The following CALN1 variants were observed in gnomAD, a reference collection of about 807,000 sequenced individuals.
CALN1 encodes calcium-binding protein 8.
Under a neutral mutation model 30.6 loss-of-function variants are expected in CALN1, and 17 were observed. The ratio of observed to expected loss-of-function variants is 0.56; its 90% CI spans 0.38 to 0.83. The LOEUF is 0.83. CALN1 is among the 40% of genes least tolerant of loss of function. The probability of loss-of-function intolerance (pLI) is 0.00; values close to 1 mark genes in which losing one functional copy is unlikely to be tolerated. For missense variants in CALN1, 291 were observed against 354.9 expected (o/e 0.82, Z 1.45); for synonymous variants, 156 against 131.4 (o/e 1.19, Z -1.28).
intron 2 of CALN1, among the ~76,000 whole-genome samples, chr7:72,337,985 C>G (rs1429687814): frequency 6.6e-6 from 1 of 152,218 alleles, no homozygotes; most frequent in Non-Finnish European, 1.5e-5. Context: ...AAGGGCAACG[C>G]ATGTGCTTGG....
chr7:72,006,265 T>A (rs1433744579), intron 5 of CALN1, among the ~76,000 whole-genome samples: 3 of 152,196 alleles, frequency 2.0e-5, no homozygotes, highest in Admixed American at 6.5e-5. Flanking sequence ...TTCAGACAAA[T>A]ATAATTTTAA....
At chr7:71,911,493 C>T (rs1318234026) in intron 5 of CALN1, among the ~76,000 whole-genome samples, 3 of 152,108 alleles carry the variant, frequency 2.0e-5, no homozygotes, top group South Asian at 4.2e-4. Flanking sequence ...GCTTAGTACT[C>T]GAGAGGCAGA....
At chr7:72,425,182 C>T (rs1807758359) in intron 1 of CALN1, among the ~76,000 whole-genome samples, 1 of 152,076 alleles carries the variant, frequency 6.6e-6, no homozygotes, top group Non-Finnish European at 1.5e-5. Flanking sequence ...GGCACAATCT[C>T]GGCTCACTGC....
At chr7:72,440,327 C>A (rs1808309131) in intron 1 of CALN1, among the ~76,000 whole-genome samples, 1 of 152,126 alleles carries the variant, frequency 6.6e-6, no homozygotes, top group African/African-American at 2.4e-5. Flanking sequence ...TTTAAGAAAT[C>A]CCCATTTTCT....
intron 5 of CALN1, among the ~76,000 whole-genome samples, chr7:71,874,334 G>GA (rs1172608481): frequency 2.9e-5 from 4 of 136,688 alleles, no homozygotes; most frequent in African/African-American, 1.1e-4. Context: ...CTTAGGAACA[G>GA]AAAGATTCAT....
chr7:72,261,902 G>A (rs372502426), intron 3 of CALN1, among the ~76,000 whole-genome samples: 1 of 152,150 alleles, frequency 6.6e-6, no homozygotes, highest in East Asian at 1.9e-4. Flanking sequence ...TAGGGAAACC[G>A]CAAGAGGAGT....
chr7:72,275,539 A>G (rs1797280333), intron 3 of CALN1, among the ~76,000 whole-genome samples: 1 of 152,158 alleles, frequency 6.6e-6, no homozygotes, highest in South Asian at 2.1e-4. Flanking sequence ...CTAAATAAAT[A>G]AGTAGAACGA....
At chr7:72,328,790 G>A (rs1801459897) in intron 2 of CALN1, among the ~76,000 whole-genome samples, 4 of 152,206 alleles carry the variant, frequency 2.6e-5, no homozygotes, top group Admixed American at 2.0e-4. Flanking sequence ...CCGCCTCCTG[G>A]GTTCAAGCAA....
chr7:72,019,201 T>C (rs1328081622), intron 5 of CALN1, among the ~76,000 whole-genome samples: 3 of 152,090 alleles, frequency 2.0e-5, no homozygotes, highest in Non-Finnish European at 2.9e-5. Flanking sequence ...ATAGGATTGC[T>C]TCTCAGTGAT....
At chr7:72,257,491 G>T (rs1051325934) in intron 3 of CALN1, among the ~76,000 whole-genome samples, 1 of 152,132 alleles carries the variant, frequency 6.6e-6, no homozygotes, top group African/African-American at 2.4e-5. Context: ...GGTGAAAAGG[G>T]AACACTTCCA....
chr7:72,385,911 C>G (rs1229604288), intron 2 of CALN1, among the ~76,000 whole-genome samples: 2 of 152,182 alleles, frequency 1.3e-5, no homozygotes, highest in African/African-American at 4.8e-5. Flanking sequence ...TTATACATTA[C>G]CCAGTCTTGG....
chr7:72,047,985 A>G (rs1584822936), intron 4 of CALN1, among the ~76,000 whole-genome samples: 1 of 151,974 alleles, frequency 6.6e-6, no homozygotes, highest in East Asian at 1.9e-4. Flanking sequence ...CATCTAACAC[A>G]GTGTGGGCAC....
intron 3 of CALN1, among the ~76,000 whole-genome samples, chr7:72,131,095 G>A (rs1177327901): frequency 6.6e-6 from 1 of 152,178 alleles, no homozygotes; most frequent in Non-Finnish European, 1.5e-5. Context: ...AGTGAGATCT[G>A]TTTCTGCCCT....
intron 3 of CALN1, among the ~76,000 whole-genome samples, chr7:72,208,092 TA>T (rs1415637126): frequency 1.3e-5 from 2 of 152,200 alleles, no homozygotes; most frequent in African/African-American, 2.4e-5. Flanking sequence ...ATTCACATTT[TA>T]AATTGAGAAA....
At chr7:72,135,700 A>G (rs914026289) in intron 3 of CALN1, among the ~76,000 whole-genome samples, 5 of 152,216 alleles carry the variant, frequency 3.3e-5, no homozygotes, top group Non-Finnish European at 7.3e-5. Flanking sequence ...GGGATGGTAA[A>G]TGAACACTGG....
intron 2 of CALN1, among the ~76,000 whole-genome samples, chr7:72,311,253 A>G (rs914217045): frequency 2.6e-5 from 4 of 152,174 alleles, no homozygotes; most frequent in African/African-American, 4.8e-5. Flanking sequence ...TCTTTTACTA[A>G]TAACATTTTA....
At chr7:72,281,424 T>C (rs1278272586) in intron 2 of CALN1, among the ~76,000 whole-genome samples, 2 of 152,218 alleles carry the variant, frequency 1.3e-5, no homozygotes, top group African/African-American at 4.8e-5. Context: ...ACTTCTTATG[T>C]GATTTCAACT....
At chr7:72,073,563 G>T (rs1490373608) in intron 4 of CALN1, among the ~76,000 whole-genome samples, 1 of 152,018 alleles carries the variant, frequency 6.6e-6, no homozygotes, top group East Asian at 1.9e-4. Context: ...AAAGGGGAGG[G>T]GAATAATAAA....
At chr7:72,200,505 G>T (rs1044587771) in intron 3 of CALN1, among the ~76,000 whole-genome samples, 13 of 152,128 alleles carry the variant, frequency 8.5e-5, no homozygotes, top group African/African-American at 3.1e-4. Flanking sequence ...GATGCTTTGA[G>T]CTCCACTGTG....
Sources: allele counts gnomAD v4.1 joint callset (sites outside exome capture counted in the v4.1 genomes callset), GRCh38; gene constraint gnomAD v4.1.1; transcripts MANE v1.5; gene names NCBI Gene and HGNC (gene_info 2026-07-23, HGNC 2026-07-21).